PRKCE: variants seen among roughly 807,000 people sequenced by gnomAD.
PRKCE encodes the protein protein kinase C epsilon, also known as protein kinase C epsilon type.
PRKCE carries 16 observed loss-of-function variants against 85.4 expected under a neutral mutation model. The observed-to-expected ratio is 0.19, with a 90% CI of 0.13 to 0.28. The LOEUF is 0.28. PRKCE is among the 10% of genes least tolerant of loss of function. The probability of loss-of-function intolerance (pLI) is 1.00; values close to 1 mark genes in which losing one functional copy is unlikely to be tolerated. For synonymous variants in PRKCE, 388 were observed against 371.5 expected, an observed-to-expected ratio of 1.04 and a Z score of -0.51; for missense variants, 573 against 975.2, an observed-to-expected ratio of 0.59 and a Z score of 5.49.
intron 2 of PRKCE, chr2:45,845,887 T>A (rs1691748378): frequency 6.6e-6 from 1 of 152,190 alleles, no homozygotes; most frequent in Non-Finnish European, 1.5e-5. Flanking sequence ...TGTGATTTTA[T>A]CCTTTGGTAC....
At chr2:45,891,674 C>T (rs530258291) in intron 2 of PRKCE, among the ~76,000 whole-genome samples, 42 of 152,194 alleles carry the variant, frequency 2.8e-4, no homozygotes, top group Non-Finnish European at 3.4e-4. Context: ...GGGGATCTTC[C>T]GCACGTAGAG....
chr2:46,014,834 G>GT (rs1459238409), intron 10 of PRKCE, among the ~76,000 whole-genome samples: 1 of 152,220 alleles, frequency 6.6e-6, no homozygotes, highest in Admixed American at 6.5e-5. Context: ...TTGCAAGAGG[G>GT]TAGGGGTAAA....
intron 13 of PRKCE, 78 bp downstream of exon 13, chr2:46,151,307 A>C: frequency 8.6e-7 from 1 of 1,156,202 alleles, no homozygotes; most frequent in Non-Finnish European, 1.2e-6. Context: ...ACACACACAC[A>C]CACACACACA....
chr2:46,076,122 C>T (rs1271772615), intron 10 of PRKCE, among the ~76,000 whole-genome samples: 1 of 152,226 alleles, frequency 6.6e-6, no homozygotes, highest in Non-Finnish European at 1.5e-5. Flanking sequence ...TTTCTATTGG[C>T]TGGGTTCCCC....
intron 2 of PRKCE, among the ~76,000 whole-genome samples, chr2:45,891,023 T>C (rs957534011): frequency 3.9e-5 from 6 of 152,206 alleles, no homozygotes; most frequent in African/African-American, 1.4e-4. Flanking sequence ...CTGTGTCGTC[T>C]GAGTATTTGA....
At chr2:46,033,115 A>T (rs1707641226) in intron 10 of PRKCE, among the ~76,000 whole-genome samples, 2 of 152,236 alleles carry the variant, frequency 1.3e-5, no homozygotes, top group African/African-American at 4.8e-5. Context: ...AGAAGTCAAC[A>T]TGTAGTATTT....
intron 2 of PRKCE, among the ~76,000 whole-genome samples, chr2:45,888,249 A>C (rs1207504162): frequency 2.0e-5 from 3 of 152,190 alleles, no homozygotes; most frequent in African/African-American, 7.2e-5. Context: ...TAGTTGCAAC[A>C]GCCCAAGGAG....
chr2:45,935,670 A>C (rs953579564), intron 2 of PRKCE, among the ~76,000 whole-genome samples: 1 of 151,986 alleles, frequency 6.6e-6, no homozygotes, highest in Non-Finnish European at 1.5e-5. Flanking sequence ...CGGTAATCCC[A>C]GCTATTCAGG....
At chr2:46,017,260 C>T (rs1706249097) in intron 10 of PRKCE, among the ~76,000 whole-genome samples, 2 of 152,156 alleles carry the variant, frequency 1.3e-5, no homozygotes, top group Admixed American at 1.3e-4. Flanking sequence ...CTGTCAGTCT[C>T]AATAATCTTG....
At position 46,154,452 on chromosome 2, in the gene PRKCE, G is replaced by A. The variant is rs1021973254; in HGVS notation, c.1920+3223G>A. On this transcript the variant is annotated intron_variant, in intron 13 of 14. Transcript: ENST00000306156. ...ATGTCCTCACGGCCCTCCCCACCCC[G>A]CCCCACCCCCCCCAACCCCCCCGCC... Among the ~76,000 whole-genome samples, 20 of 76,310 alleles carry A rather than the reference G, an allele frequency of 2.6e-4. No individual in the cohort carries two copies. The East Asian group carries it at 7.6e-3, about 29-fold the overall frequency. 50.1% of individuals were successfully genotyped at this position (76,310 alleles called of 152,430 possible).
At chr2:45,856,355 C>T (rs894527377) in intron 2 of PRKCE, among the ~76,000 whole-genome samples, 5 of 152,104 alleles carry the variant, frequency 3.3e-5, no homozygotes, top group African/African-American at 7.2e-5. Flanking sequence ...CTCAGCCTCC[C>T]GAGTAGCTGG....
Position 45,652,769 on chromosome 2 carries a change from C to T in PRKCE, c.348+321C>T, listed in dbSNP as rs1675185710. Among the ~76,000 whole-genome samples, 1 of 152,168 alleles carries T rather than the reference C, an allele frequency of 6.6e-6. No individual in the cohort carries two copies. The highest frequency in any genetic ancestry group is 1.5e-5 in the Non-Finnish European group (1 of 68,034). On this transcript the variant is annotated intron_variant, in intron 1 of 14. Transcript: ENST00000306156. The surrounding 1 kb of genome is among the most constrained non-coding windows in gnomAD (Gnocchi z 7.7). ...GTTGGCCGAGGACCCGGCTTTCTTC[C>T]GCAGGCGCGTGGTGGGCTGGCTGTG...
intron 10 of PRKCE, among the ~76,000 whole-genome samples, chr2:46,084,024 G>C (rs184146592): frequency 1.3e-5 from 2 of 152,292 alleles, no homozygotes; most frequent in Admixed American, 6.5e-5. Flanking sequence ...AGTGGTCTGG[G>C]GTTGGCGAGA....
At chr2:45,773,488 C>G (rs371330673) in intron 1 of PRKCE, among the ~76,000 whole-genome samples, 7 of 152,340 alleles carry the variant, frequency 4.6e-5, no homozygotes, top group Non-Finnish European at 1.0e-4. Context: ...GCTGATGGAA[C>G]TCCTGGGCAT....
chr2:45,677,763 G>A, intron 1 of PRKCE: 4 of 706,882 alleles, frequency 5.7e-6, no homozygotes, highest in Non-Finnish European at 6.9e-6. Flanking sequence ...GTGGTCGGGT[G>A]TTATTTGCTG....
intron 11 of PRKCE, among the ~76,000 whole-genome samples, chr2:46,119,752 G>A (rs1314174035): frequency 6.6e-6 from 1 of 152,166 alleles, no homozygotes; most frequent in African/African-American, 2.4e-5. Flanking sequence ...GAGACAGTAC[G>A]TAGATTCTCA....
At chr2:46,049,476 G>A (rs1397815924) in intron 10 of PRKCE, among the ~76,000 whole-genome samples, 4 of 152,156 alleles carry the variant, frequency 2.6e-5, no homozygotes, top group East Asian at 1.9e-4. Context: ...CCCTTTACAC[G>A]CACATCTTGC....
intron 1 of PRKCE, among the ~76,000 whole-genome samples, chr2:45,804,874 T>C (rs1393686387): frequency 1.3e-5 from 2 of 151,898 alleles, no homozygotes; most frequent in Admixed American, 6.6e-5. Context: ...CAAAAGCCTT[T>C]CCTATTTGTT....
intron 1 of PRKCE, among the ~76,000 whole-genome samples, chr2:45,838,048 A>G (rs1279592513): frequency 6.6e-6 from 1 of 152,132 alleles, no homozygotes; most frequent in Non-Finnish European, 1.5e-5. Flanking sequence ...GCTCTTCCCC[A>G]TTGCCAAGTT....
Sources: gnomAD v4.1 joint callset for allele counts (sites outside exome capture counted in the v4.1 genomes callset) on GRCh38, gnomAD v4.1.1 for gene constraint, Gnocchi (gnomAD v3.1) non-coding constraint, MANE v1.5 for transcripts, NCBI Gene and HGNC (gene_info 2026-07-23, HGNC 2026-07-21) for gene names.